Variants in TRIP12 observed in about 807,000 individuals in gnomAD.
TRIP12 encodes the protein thyroid hormone receptor interactor 12.
A neutral mutation model predicts 244.2 loss-of-function variants in TRIP12; 25 were observed. The observed-to-expected ratio is 0.10, with a 90% CI of 0.07 to 0.14. The LOEUF is 0.14. Among genes scored for constraint, TRIP12 ranks in the 10% least tolerant of loss-of-function variants. The pLI is 1.00. For missense variants in TRIP12, 1,677 were observed against 2,486.4 expected (o/e 0.67, Z 6.92); for synonymous variants, 905 against 873.1 (o/e 1.04, Z -0.64).
At chr2:229,886,591 C>T (rs1249127698) in intron 1 of TRIP12, among the ~76,000 whole-genome samples, 1 of 151,946 alleles carries the variant, frequency 6.6e-6, no homozygotes, top group East Asian at 1.9e-4. Flanking sequence ...CTCAGCCTCC[C>T]GGGTAGCTGG....
intron 1 of TRIP12, among the ~76,000 whole-genome samples, chr2:229,902,096 A>G (rs1414497259): frequency 6.6e-6 from 1 of 152,190 alleles, no homozygotes; most frequent in Non-Finnish European, 1.5e-5. Flanking sequence ...TCTAATTGAA[A>G]TTAAAGCCAG....
intron 1 of TRIP12, among the ~76,000 whole-genome samples, chr2:229,902,036 C>T (rs1216698000): frequency 6.6e-6 from 1 of 152,132 alleles, no homozygotes; most frequent in African/African-American, 2.4e-5. Context: ...ATTTAGACCA[C>T]TGGTTCATAA....
chr2:229,843,240 A>C (rs1401916718), intron 4 of TRIP12, among the ~76,000 whole-genome samples: 1 of 152,096 alleles, frequency 6.6e-6, no homozygotes, highest in African/African-American at 2.4e-5. Context: ...TTGTGTCATG[A>C]AGTTAGGTAT....
chr2:229,860,576 T>G, intron 2 of TRIP12, 45 bp from the exon 3 acceptor site: 1 of 1,544,904 alleles, frequency 6.5e-7, no homozygotes, highest in Non-Finnish European at 8.8e-7. Flanking sequence ...GAAACTGAGA[T>G]GCAAATACAA....
intron 4 of TRIP12, among the ~76,000 whole-genome samples, chr2:229,857,634 T>C (rs2059815870): frequency 7.4e-6 from 1 of 135,560 alleles, no homozygotes; most frequent in African/African-American, 2.5e-5. Flanking sequence ...TGAGACTCTG[T>C]CTCAAAAAAA....
At chr2:229,810,718 A>G (rs1044988139) in intron 15 of TRIP12, among the ~76,000 whole-genome samples, 162 bp downstream of exon 15, 3 of 152,252 alleles carry the variant, frequency 2.0e-5, no homozygotes, top group African/African-American at 7.2e-5. Flanking sequence ...AAACATTAAC[A>G]TACTGTCCCA....
chr2:229,806,812 G>C (rs761077778), intron 17 of TRIP12, among the ~76,000 whole-genome samples: 1 of 152,106 alleles, frequency 6.6e-6, no homozygotes, highest in Non-Finnish European at 1.5e-5. Flanking sequence ...TTTTAGAAAC[G>C]AACTAGAAGG....
intron 6 of TRIP12, among the ~76,000 whole-genome samples, chr2:229,832,964 A>G (rs2053841948): frequency 1.3e-5 from 2 of 152,206 alleles, no homozygotes; most frequent in Non-Finnish European, 2.9e-5. Flanking sequence ...TTTTTAAAAC[A>G]CACTCTGGAG....
intron 23 of TRIP12, among the ~76,000 whole-genome samples, chr2:229,798,212 C>T (rs545005080): frequency 1.3e-5 from 2 of 152,236 alleles, no homozygotes; most frequent in South Asian, 4.1e-4. Context: ...GAAACATGCG[C>T]CTATTAAGGA....
At chr2:229,901,946 C>A (rs1188497336) in intron 1 of TRIP12, among the ~76,000 whole-genome samples, 1 of 152,202 alleles carries the variant, frequency 6.6e-6, no homozygotes, top group East Asian at 1.9e-4. Context: ...GCAGGCTATT[C>A]CCTCGCCCTC....
At chr2:229,912,728 A>T (rs6436892) in intron 1 of TRIP12, among the ~76,000 whole-genome samples, 46,508 of 152,148 alleles carry the variant, frequency 0.31, 7,340 homozygotes, top group Middle Eastern at 0.45. Context: ...TGTGTGCTGT[A>T]GTCGTAAGTT....
intron 34 of TRIP12, among the ~76,000 whole-genome samples, chr2:229,780,925 A>G (rs1559354539): frequency 6.6e-6 from 1 of 152,212 alleles, no homozygotes; most frequent in Non-Finnish European, 1.5e-5. Flanking sequence ...AGAAGCAAAG[A>G]AAAACCTGCA....
At chr2:229,779,130 A>G in intron 34 of TRIP12, 140 bp from the exon 35 acceptor site, 1 of 691,656 alleles carries the variant, frequency 1.4e-6, no homozygotes, top group Non-Finnish European at 2.4e-6. Context: ...TCCTGGCTGG[A>G]TTTATTCTTT....
chr2:229,772,136 T>A (rs998724926), intron 38 of TRIP12, among the ~76,000 whole-genome samples: 4 of 152,192 alleles, frequency 2.6e-5, no homozygotes, highest in African/African-American at 9.7e-5. Context: ...GGAAATGAAG[T>A]CACATGCAAT....
At chr2:229,916,698 AAAC>A (rs1241769119) in intron 1 of TRIP12, among the ~76,000 whole-genome samples, 1 of 152,190 alleles carries the variant, frequency 6.6e-6, no homozygotes, top group Admixed American at 6.5e-5. Flanking sequence ...AAATCACAAT[AAAC>A]AACCAAAATC....
chr2:229,903,574 G>A (rs540585664), intron 1 of TRIP12, among the ~76,000 whole-genome samples: 2 of 152,112 alleles, frequency 1.3e-5, no homozygotes, highest in African/African-American at 4.8e-5. Flanking sequence ...GCCACAACAA[G>A]GAGTCTTCTT....
intron 39 of TRIP12, among the ~76,000 whole-genome samples, chr2:229,770,287 T>C (rs540681255): frequency 1.3e-5 from 2 of 152,330 alleles, no homozygotes; most frequent in East Asian, 3.9e-4. Flanking sequence ...TCCATTACTC[T>C]GTGATAGGGG....
chr2:229,912,535 C>G (rs1251973722), intron 1 of TRIP12, among the ~76,000 whole-genome samples: 1 of 152,144 alleles, frequency 6.6e-6, no homozygotes, highest in Non-Finnish European at 1.5e-5. Flanking sequence ...ACCACAATTA[C>G]ACCTTTAAGC....
chr2:229,828,346 T>G (rs1010303835), intron 8 of TRIP12, among the ~76,000 whole-genome samples: 2 of 151,910 alleles, frequency 1.3e-5, no homozygotes, highest in Non-Finnish European at 2.9e-5. Context: ...TGATTTGTTT[T>G]TTTTTTTTTT....
Sources: allele counts gnomAD v4.1 joint callset (sites outside exome capture counted in the v4.1 genomes callset), GRCh38; gene constraint gnomAD v4.1.1; transcripts MANE v1.5; gene names NCBI Gene and HGNC (gene_info 2026-07-23, HGNC 2026-07-21).